The following PTPRD variants were observed in gnomAD, a reference collection of about 807,000 sequenced individuals.
The protein encoded by PTPRD is protein tyrosine phosphatase receptor type D, also known as receptor-type tyrosine-protein phosphatase delta.
A neutral mutation model predicts 214.5 loss-of-function variants in PTPRD; 34 were observed. That is an observed-to-expected ratio of 0.16 (90% confidence interval 0.12 to 0.21). The LOEUF is 0.21. PTPRD is among the 10% of genes least tolerant of loss of function. The pLI is 1.00. For synonymous variants in PTPRD, 1,128 were observed against 845.7 expected (o/e 1.33, Z -5.79); for missense variants, 2,545 against 2,398.7 (o/e 1.06, Z -1.27).
At chr9:9,999,816 G>T (rs1287065471) in intron 4 of PTPRD, among the ~76,000 whole-genome samples, 1 of 152,144 alleles carries the variant, frequency 6.6e-6, no homozygotes, top group African/African-American at 2.4e-5. Context: ...ACTTTTTACC[G>T]AAGGTTGCTA....
chr9:8,590,296 G>A (rs946172063), intron 14 of PTPRD, among the ~76,000 whole-genome samples: 1 of 152,010 alleles, frequency 6.6e-6, no homozygotes, highest in South Asian at 2.1e-4. Context: ...ATATAAGTGT[G>A]GATATCCAAG....
chr9:8,587,450 A>G (rs2093752547), intron 14 of PTPRD, among the ~76,000 whole-genome samples: 1 of 152,244 alleles, frequency 6.6e-6, no homozygotes, highest in Non-Finnish European at 1.5e-5. Context: ...AAGAATAAAT[A>G]CATATTGGCT....
chr9:8,609,026 G>A (rs929101550), intron 14 of PTPRD, among the ~76,000 whole-genome samples: 4 of 152,140 alleles, frequency 2.6e-5, no homozygotes, highest in African/African-American at 9.7e-5. Flanking sequence ...CAGAGGACCA[G>A]AGTCATCTGT....
intron 5 of PTPRD, among the ~76,000 whole-genome samples, chr9:9,828,290 G>A (rs1598957837): frequency 6.6e-6 from 1 of 152,164 alleles, no homozygotes; most frequent in East Asian, 1.9e-4. Flanking sequence ...TTAAGAAAAT[G>A]TGGCACATAT....
intron 7 of PTPRD, among the ~76,000 whole-genome samples, chr9:9,699,100 G>T (rs1005421117): frequency 2.0e-5 from 3 of 151,984 alleles, no homozygotes; most frequent in Non-Finnish European, 2.9e-5. Context: ...CTTCAATTAA[G>T]AATAATCCAA....
chr9:10,454,612 C>A (rs889842465), intron 2 of PTPRD, among the ~76,000 whole-genome samples: 1 of 151,624 alleles, frequency 6.6e-6, no homozygotes, highest in Non-Finnish European at 1.5e-5. Flanking sequence ...TCCATATTTT[C>A]TACCTCTTCT....
At position 8,521,389 on chromosome 9, in the gene PTPRD, T is replaced by A. The variant is rs2097887936; in HGVS notation, c.849A>T (p.Pro283=). 2 of 1,614,060 alleles carry A rather than the reference T, an allele frequency of 1.2e-6. No homozygotes were observed. Among genetic ancestry groups the A allele is most frequent in the East Asian group, 4.5e-5 (2 of 44,864 alleles). The change falls in exon 20 of 46, where the codon CCA becomes CCT. Residue 283 remains proline, a synonymous_variant. Transcript: ENST00000381196. ...TCAGTTCTAGCACATTTCTTCCTAT[T>A]GGCATATCATCTTCAGGTGTCAGAT... is the stretch of plus-strand genomic sequence containing the variant. ...AEDLTPEDDM[P]IGRNVLELND...
In PTPRD at chr9:9,119,122, T is replaced by C. The variant is rs77090528; in HGVS notation, c.-143+64182A>G. On this transcript the variant is annotated intron_variant, in intron 10 of 45. Transcript: ENST00000381196. ...TAACAAACTTGTATGTTCTTTAGTATGTCCTGCTGGGTTCTCTGCAGAAGT... is the reference window on the plus strand; with the variant it reads ...TAACAAACTTGTATGTTCTTTAGTACGTCCTGCTGGGTTCTCTGCAGAAGT... Among the ~76,000 whole-genome samples the C allele has an allele frequency of 9.1e-4, 138 of 152,362 alleles. 1 individual carries two copies. The highest frequency in any genetic ancestry group is 1.5e-3 in the Non-Finnish European group (99 of 68,036).
At chr9:9,633,434 C>T (rs569017574) in intron 7 of PTPRD, among the ~76,000 whole-genome samples, 1 of 152,202 alleles carries the variant, frequency 6.6e-6, no homozygotes, top group East Asian at 1.9e-4. Context: ...AAACGACTTC[C>T]AAAATCTAGG....
chr9:8,821,335 G>A (rs1566354056), intron 11 of PTPRD, among the ~76,000 whole-genome samples: 3 of 152,092 alleles, frequency 2.0e-5, no homozygotes, highest in Admixed American at 6.6e-5. Context: ...TCTTCAGAAG[G>A]CACTCACTCC....
chr9:9,465,752 T>C (rs2094097212), intron 8 of PTPRD, among the ~76,000 whole-genome samples: 2 of 152,160 alleles, frequency 1.3e-5, no homozygotes, highest in African/African-American at 4.8e-5. Context: ...CTGTCATTTC[T>C]TGCTGGTGAC....
intron 10 of PTPRD, among the ~76,000 whole-genome samples, chr9:9,138,166 T>C (rs2099853984): frequency 6.6e-6 from 1 of 151,998 alleles, no homozygotes; most frequent in African/African-American, 2.4e-5. Context: ...CTGGAAACAC[T>C]GTACCTAAAA....
intron 11 of PTPRD, among the ~76,000 whole-genome samples, chr9:8,989,752 T>G (rs975447069): frequency 6.6e-6 from 1 of 152,162 alleles, no homozygotes; most frequent in Admixed American, 6.5e-5. Context: ...TTCTTACTTA[T>G]GTCTTTATTT....
chr9:9,307,880 G>A (rs1957630626), intron 9 of PTPRD, among the ~76,000 whole-genome samples: 1 of 152,104 alleles, frequency 6.6e-6, no homozygotes. Flanking sequence ...TAAAACCTGG[G>A]AGCACATTCT....
At chr9:9,692,249 T>C (rs1195390122) in intron 7 of PTPRD, among the ~76,000 whole-genome samples, 2 of 151,482 alleles carry the variant, frequency 1.3e-5, no homozygotes, top group Non-Finnish European at 1.5e-5. Flanking sequence ...AGTAGTATCA[T>C]AGTTTGAGGT....
At chr9:9,396,508 C>T (rs1360690915) in intron 9 of PTPRD, among the ~76,000 whole-genome samples, 7 of 151,948 alleles carry the variant, frequency 4.6e-5, no homozygotes, top group Admixed American at 3.3e-4. Context: ...TCTTAAGTCA[C>T]ACCACATACA....
chr9:8,744,517 G>A (rs2092555164), intron 11 of PTPRD, among the ~76,000 whole-genome samples: 1 of 152,238 alleles, frequency 6.6e-6, no homozygotes, highest in Non-Finnish European at 1.5e-5. Context: ...TGGAATTGGA[G>A]ACTATTATTC....
At chr9:8,474,696 T>G (rs2096729020) in intron 30 of PTPRD, among the ~76,000 whole-genome samples, 1 of 152,146 alleles carries the variant, frequency 6.6e-6, no homozygotes, top group Non-Finnish European at 1.5e-5. Context: ...CCCTGGACGT[T>G]CAAACCACCC....
Position 8,641,519 on chromosome 9 carries a change from G to A in PTPRD, c.65-4675C>T, listed in dbSNP as rs576653534. Among the ~76,000 whole-genome samples the A allele has an allele frequency of 7.5e-4, 111 of 148,464 alleles. 8 individuals are homozygous for A. The highest frequency in any genetic ancestry group is 4.8e-3 in the Admixed American group (73 of 15,186). ...ATGATCTTTTATTAAACTAATGCCA[G>A]GTACTGCACAGGTCAAATTACTGGT... is the stretch of plus-strand genomic sequence containing the variant. On this transcript the variant is annotated intron_variant, in intron 12 of 45. Coordinates refer to ENST00000381196, the MANE Select transcript of PTPRD (RefSeq NM_002839.4).
Sources: gnomAD v4.1 joint callset for allele counts (sites outside exome capture counted in the v4.1 genomes callset) on GRCh38, gnomAD v4.1.1 for gene constraint, MANE v1.5 for transcripts, NCBI Gene and HGNC (gene_info 2026-07-23, HGNC 2026-07-21) for gene names.